Variants in EFCAB6 observed in about 807,000 individuals in gnomAD.
EFCAB6 encodes the protein EF-hand calcium-binding domain-containing protein 6.
EFCAB6 carries 156 observed loss-of-function variants against 169.8 expected under a neutral mutation model. The ratio of observed to expected loss-of-function variants is 0.92; its 90% CI spans 0.81 to 1.05. EFCAB6 has a LOEUF of 1.05. Among genes scored for constraint, EFCAB6 ranks in the 50% least tolerant of loss-of-function variants. The pLI, the probability that EFCAB6 is intolerant of heterozygous loss-of-function variation, is 0.00. For missense variants in EFCAB6, 1,800 were observed against 1,829.1 expected (o/e 0.98, Z 0.29); for synonymous variants, 698 against 676.4 (o/e 1.03, Z -0.50).
In EFCAB6 at chr22:43,784,533, G is replaced by A. The variant is rs1569487095; in HGVS notation, c.-7-2208C>T. Among the ~76,000 whole-genome samples the A allele has an allele frequency of 3.8e-5, 4 of 104,242 alleles. 1 individual carries two copies. Among genetic ancestry groups the A allele is most frequent in the Non-Finnish European group, 7.6e-5 (4 of 52,872 alleles). 68.4% of individuals were successfully genotyped at this position (104,242 alleles called of 152,430 possible). A position where few individuals can be genotyped will look rare whatever the true frequency, so the allele number is the denominator to read the frequency against. ...TATATGTGTGTGTGTGTGTGTGTGT[G>A]TGTGTGTGTGTATATGTATATATAC... is the stretch of plus-strand genomic sequence containing the variant. On this transcript the variant is annotated intron_variant, in intron 2 of 31. Coordinates refer to ENST00000262726, the MANE Select transcript of EFCAB6 (RefSeq NM_022785.4).
chr22:43,564,897 C>T (rs917406270), intron 26 of EFCAB6, among the ~76,000 whole-genome samples: 2 of 152,194 alleles, frequency 1.3e-5, no homozygotes, highest in African/African-American at 4.8e-5. Flanking sequence ...GTAGACTTGT[C>T]AACTAAAGCC....
chr22:43,682,653 G>A (rs1219727773), intron 12 of EFCAB6, among the ~76,000 whole-genome samples: 2 of 152,154 alleles, frequency 1.3e-5, no homozygotes, highest in African/African-American at 2.4e-5. Flanking sequence ...GCCTCAGGCG[G>A]GTTACTTAGC....
intron 4 of EFCAB6, among the ~76,000 whole-genome samples, chr22:43,767,964 A>G (rs1305722322): frequency 6.6e-6 from 1 of 152,212 alleles, no homozygotes; most frequent in Non-Finnish European, 1.5e-5. Flanking sequence ...AATTGCTGAA[A>G]GCGAATTCTT....
chr22:43,783,994 G>A (rs116572794), intron 2 of EFCAB6, among the ~76,000 whole-genome samples: 6,100 of 152,194 alleles, frequency 0.04, 440 homozygotes, highest in African/African-American at 0.14. Context: ...AGTTGAACCT[G>A]AGAGGTTGAG....
chr22:43,641,760 A>G (rs1451338487), intron 17 of EFCAB6, among the ~76,000 whole-genome samples: 1 of 152,166 alleles, frequency 6.6e-6, no homozygotes, highest in East Asian at 1.9e-4. Context: ...CAGTGTGGGT[A>G]TCTCAGTGTG....
chr22:43,637,838 T>C (rs928887055), intron 17 of EFCAB6, among the ~76,000 whole-genome samples: 15 of 152,224 alleles, frequency 9.9e-5, no homozygotes, highest in African/African-American at 3.6e-4. Context: ...GAGCCTCTGG[T>C]TGCTTGCTTT....
chr22:43,550,626 T>G (rs2048325639), intron 27 of EFCAB6, among the ~76,000 whole-genome samples: 1 of 150,076 alleles, frequency 6.7e-6, no homozygotes, highest in Admixed American at 6.7e-5. Context: ...GAGTCGAGTT[T>G]GCACCACTGC....
chr22:43,755,845 A>G lies in EFCAB6; in HGVS notation c.441-13T>C. On this transcript the variant is annotated splice_polypyrimidine_tract_variant and intron_variant, in intron 5 of 31. Transcript: ENST00000262726. The stretch of plus-strand genomic sequence containing the variant: ...ATTCCCACCTCCCCTTAGAAATAAA[A>G]AAAAAATCTTTATTAAAACATTTTA... 5 of 1,579,970 alleles carry G rather than the reference A, an allele frequency of 3.2e-6. No homozygotes were observed. In the South Asian group the frequency reaches 5.9e-5, roughly 19 times the overall value.
chr22:43,670,493 G>A (rs1318871362), intron 15 of EFCAB6, among the ~76,000 whole-genome samples: 3 of 152,178 alleles, frequency 2.0e-5, no homozygotes, highest in Admixed American at 2.0e-4. Context: ...TAGCACTGGG[G>A]CTGACATGCT....
At position 43,678,171 on chromosome 22, in the gene EFCAB6, T is replaced by C; in HGVS notation, c.1252-8A>G. ...TATCGGTCCATCGGGTTTCTGAGCA[T>C]CAGAGTGTATATAAGGGAATTTTTG... On this transcript the variant is annotated splice_polypyrimidine_tract_variant and splice_region_variant and intron_variant, in intron 12 of 31. Coordinates refer to ENST00000262726, the MANE Select transcript of EFCAB6 (RefSeq NM_022785.4). 1 of 1,585,358 alleles carries C rather than the reference T, an allele frequency of 6.3e-7. No homozygotes were observed. Among genetic ancestry groups the C allele is most frequent in the African/African-American group, 1.4e-5 (1 of 71,782 alleles).
chr22:43,764,828 A>T (rs1033771806), intron 5 of EFCAB6, among the ~76,000 whole-genome samples: 2 of 152,186 alleles, frequency 1.3e-5, no homozygotes, highest in African/African-American at 4.8e-5. Flanking sequence ...GCAAAAAAAA[A>T]AGAGTCCCAT....
intron 3 of EFCAB6, among the ~76,000 whole-genome samples, chr22:43,777,755 T>A (rs1230432301): frequency 6.6e-6 from 1 of 152,228 alleles, no homozygotes; most frequent in Non-Finnish European, 1.5e-5. Flanking sequence ...AATCAATAAT[T>A]GTAATTTAAA....
intron 26 of EFCAB6, among the ~76,000 whole-genome samples, chr22:43,565,558 G>A (rs1004635717): frequency 2.0e-5 from 3 of 152,162 alleles, no homozygotes; most frequent in Non-Finnish European, 4.4e-5. Flanking sequence ...CAAGATGGCG[G>A]TCACCCACCC....
chr22:43,593,950 C>T (rs1412103074), intron 23 of EFCAB6, among the ~76,000 whole-genome samples: 4 of 152,066 alleles, frequency 2.6e-5, no homozygotes, highest in African/African-American at 7.2e-5. Context: ...CATATGCAGC[C>T]CAATTTTTTT....
intron 5 of EFCAB6, among the ~76,000 whole-genome samples, chr22:43,763,819 T>C (rs190355665): frequency 6.6e-6 from 1 of 152,306 alleles, no homozygotes; most frequent in East Asian, 1.9e-4. Context: ...TCACCCAGGC[T>C]GGAGTGCAGT....
chr22:43,638,431 C>T (rs1028601947), intron 17 of EFCAB6, among the ~76,000 whole-genome samples: 1 of 152,218 alleles, frequency 6.6e-6, no homozygotes, highest in Non-Finnish European at 1.5e-5. Flanking sequence ...CTCCGGCCAT[C>T]CCTGGGGCAT....
At position 43,731,873 on chromosome 22, in the gene EFCAB6, A is replaced by T. The variant is rs529835288; in HGVS notation, c.645-62T>A. ...GAATCTAAAATGAAGCAAGTTTGTT[A>T]CTAAGGTATCCTTTACACTCGGGCT... On this transcript the variant is annotated intron_variant, in intron 7 of 31. Transcript: ENST00000262726. 6.9e-5 allele frequency: 71 copies of T among 1,028,644 alleles called. No homozygotes were observed. The African/African-American group carries it at 1.1e-3, about 16-fold the overall frequency. 63.7% of individuals were successfully genotyped at this position (1,028,644 alleles called of 1,614,324 possible).
chr22:43,608,641 T>C (rs1211083077), intron 21 of EFCAB6, 41 bp from the exon 22 acceptor site: 3 of 1,581,778 alleles, frequency 1.9e-6, no homozygotes, highest in Non-Finnish European at 1.7e-6. Context: ...ATGTGAAATG[T>C]GCGTATGACA....
chr22:43,798,487 C>T (rs1255378997), intron 2 of EFCAB6, among the ~76,000 whole-genome samples: 1 of 152,184 alleles, frequency 6.6e-6, no homozygotes, highest in Admixed American at 6.5e-5. Context: ...TCCTTGACAC[C>T]TCATGCTAGG....
Sources: gnomAD v4.1 joint callset for allele counts (sites outside exome capture counted in the v4.1 genomes callset) on GRCh38, gnomAD v4.1.1 for gene constraint, MANE v1.5 for transcripts, NCBI Gene and HGNC (gene_info 2026-07-23, HGNC 2026-07-21) for gene names.